ACSBG2: variants seen among roughly 807,000 people sequenced by gnomAD.
ACSBG2 encodes acyl-CoA synthetase bubblegum family member 2.
A neutral mutation model predicts 74.7 loss-of-function variants in ACSBG2; 62 were observed. That is an observed-to-expected ratio of 0.83 (90% CI 0.68 to 1.03). ACSBG2 has a LOEUF of 1.03. Ranked by LOEUF, ACSBG2 falls within the 50% of genes least tolerant of loss-of-function variation. ACSBG2 has a pLI of 0.00. For missense variants in ACSBG2, 730 were observed against 817.6 expected (o/e 0.89, Z 1.31); for synonymous variants, 309 against 294.1 (o/e 1.05, Z -0.52).
chr19:6,187,596 C>T lies in ACSBG2; in HGVS notation c.1681-3C>T, dbSNP rs747024785. 6.2e-7 allele frequency: 1 copy of T among 1,613,870 alleles called. No individual in the cohort carries two copies. Among genetic ancestry groups the T allele is most frequent in the East Asian group, 2.2e-5 (1 of 44,876 alleles). Reference sequence around the variant, plus strand: ...GGGTGGTGACAGAGGTGTCTGGGGGCAGTGTGAGATGAATCAGATGAGCGG... The same window carrying T: ...GGGTGGTGACAGAGGTGTCTGGGGGTAGTGTGAGATGAATCAGATGAGCGG... On this transcript the variant is annotated splice_polypyrimidine_tract_variant and splice_region_variant and intron_variant, in intron 12 of 14. Transcript: ENST00000588485.
At chr19:6,143,211 A>T (rs898338252) in intron 2 of ACSBG2, among the ~76,000 whole-genome samples, 1 of 148,200 alleles carries the variant, frequency 6.7e-6, no homozygotes, top group Non-Finnish European at 1.5e-5. Flanking sequence ...TGCCTGGCTA[A>T]TTTTTTTTTT....
chr19:6,189,719 T>TTTC (rs1568261184), intron 13 of ACSBG2: 9 of 151,698 alleles, frequency 5.9e-5, no homozygotes, highest in African/African-American at 2.2e-4. Context: ...TTCTTTCTTT[T>TTTC]TTTTTTTTGA....
chr19:6,157,770 C>T (rs936657824), intron 5 of ACSBG2, among the ~76,000 whole-genome samples: 4 of 152,080 alleles, frequency 2.6e-5, no homozygotes, highest in Admixed American at 2.6e-4. Flanking sequence ...ATTTTATATA[C>T]ATCCCACTGC....
chr19:6,167,208 A>T (rs1245060434), intron 7 of ACSBG2, among the ~76,000 whole-genome samples: 1 of 152,168 alleles, frequency 6.6e-6, no homozygotes, highest in Non-Finnish European at 1.5e-5. Flanking sequence ...ACCAGCACAC[A>T]CTGGTGTCTG....
Position 6,183,279 on chromosome 19 carries a change from GCC to G in ACSBG2, c.1322+11_1322+12del. ...ATAACTACAGGCTTCTAAGGTACCA[GCC>G]CCCGGGGCAGACCCCTGCTCCTCCC... is the stretch of plus-strand genomic sequence containing the variant. On this transcript the variant is annotated splice_region_variant and intron_variant, in intron 10 of 14. Transcript: ENST00000588485. The G allele has an allele frequency of 6.2e-7, 1 of 1,612,416 alleles. No homozygotes were observed. The highest frequency in any genetic ancestry group is 1.7e-4 in the Middle Eastern group (1 of 6,052).
intron 1 of ACSBG2, among the ~76,000 whole-genome samples, chr19:6,138,865 G>A (rs1379987131): frequency 6.6e-6 from 1 of 152,106 alleles, no homozygotes; most frequent in African/African-American, 2.4e-5. Context: ...AATTAAGGAT[G>A]ACTTTGAGGT....
intron 6 of ACSBG2, among the ~76,000 whole-genome samples, chr19:6,161,977 T>C (rs2089637876): frequency 6.6e-6 from 1 of 152,102 alleles, no homozygotes; most frequent in Admixed American, 6.6e-5. Flanking sequence ...CAACATTAAG[T>C]TTAAATATTT....
At chr19:6,167,823 A>G (rs2089850661) in intron 7 of ACSBG2, among the ~76,000 whole-genome samples, 1 of 152,224 alleles carries the variant, frequency 6.6e-6, no homozygotes, top group African/African-American at 2.4e-5. Flanking sequence ...GTACAAATTA[A>G]AAGTTCAGAC....
At position 6,174,415 on chromosome 19, in the gene ACSBG2, G is replaced by A. The variant is rs1026929405; in HGVS notation, c.739-2814G>A. Among the ~76,000 whole-genome samples, 8 of 152,214 alleles carry A rather than the reference G, an allele frequency of 5.3e-5. No homozygotes were observed. Among genetic ancestry groups the A allele is most frequent in the African/African-American group, 1.9e-4 (8 of 41,456 alleles). ...AACAAATTCCACCTCAGAATGGGAG[G>A]AGTAGCAGAGAATCTGCAGCTCTGT... On this transcript the variant is annotated intron_variant, in intron 7 of 14. Coordinates refer to ENST00000588485, the MANE Select transcript of ACSBG2 (RefSeq NM_030924.5). The surrounding 1 kb of genome is among the most constrained non-coding windows in gnomAD (Gnocchi z 4.2).
chr19:6,145,497 T>C (rs1428217152), intron 2 of ACSBG2, among the ~76,000 whole-genome samples: 1 of 150,936 alleles, frequency 6.6e-6, no homozygotes, highest in Non-Finnish European at 1.5e-5. Flanking sequence ...CACAGCTGCC[T>C]ACTCTACCAT....
Position 6,187,712 on chromosome 19 carries a change from G to A in ACSBG2, c.1794G>A (p.Gln598=), listed in dbSNP as rs775074724. Residue 598 remains glutamine, a synonymous_variant, in exon 13 of 15, where the codon CAG becomes CAA. Coordinates refer to ENST00000588485, the MANE Select transcript of ACSBG2 (RefSeq NM_030924.5). The part of the protein sequence containing the change: ...QASTVTEIVK[Q]QDPLVYKAIQ... ...CCACCGTGACTGAGATTGTGAAGCA[G>A]CAAGACCCCCTGGTCTACAAGGCCA... 5.0e-6 allele frequency: 8 copies of A among 1,614,188 alleles called. No individual in the cohort carries two copies. In the East Asian group the frequency reaches 1.8e-4, roughly 36 times the overall value.
intron 4 of ACSBG2, among the ~76,000 whole-genome samples, chr19:6,153,225 G>A (rs949651929): frequency 2.6e-5 from 4 of 151,784 alleles, no homozygotes; most frequent in East Asian, 1.9e-4. Flanking sequence ...CAGCCTGGGC[G>A]ACAGAGCGAG....
At chr19:6,151,587 A>C (rs1268609436) in intron 3 of ACSBG2, 120 bp from the exon 4 acceptor site, 2 of 913,710 alleles carry the variant, frequency 2.2e-6, no homozygotes, top group Middle Eastern at 4.4e-4. Flanking sequence ...CTAGGATTAC[A>C]GGTGTGAGCC....
At chr19:6,188,798 A>G (rs2860162) in intron 13 of ACSBG2, among the ~76,000 whole-genome samples, 20,717 of 151,938 alleles carry the variant, frequency 0.14, 3,138 homozygotes, top group African/African-American at 0.38. Context: ...TGATTGGTTG[A>G]GGTAAAGGGG....
Position 6,141,516 on chromosome 19 carries a change from T to C in ACSBG2, c.-28T>C. 5 of 1,555,580 alleles carry C rather than the reference T, an allele frequency of 3.2e-6. No individual in the cohort carries two copies. Among genetic ancestry groups the C allele is most frequent in the Non-Finnish European group, 4.4e-6 (5 of 1,126,608 alleles). ...TCCCTGCTTTTTTGCTTTGCAGTGC[T>C]GTGGAGCATGGTTTCTGCACACCTG... On this transcript the variant is annotated 5_prime_UTR_variant, in exon 2 of 15. Transcript: ENST00000588485.
intron 7 of ACSBG2, among the ~76,000 whole-genome samples, chr19:6,170,442 T>C (rs1338398533): frequency 1.3e-5 from 2 of 152,142 alleles, no homozygotes; most frequent in Non-Finnish European, 2.9e-5. Flanking sequence ...ACTTAAAAAG[T>C]ATCTTTATTT....
At chr19:6,184,860 A>AAAAAAAAAAAAAAAAAAAAAAAC (rs2090359282) in intron 10 of ACSBG2, among the ~76,000 whole-genome samples, 1 of 142,270 alleles carries the variant, frequency 7.0e-6, no homozygotes, top group African/African-American at 2.7e-5. Context: ...AAAAAAAAAA[A>AAAAAAAAAAAAAAAAAAAAAAAC]AAAAAAAAAA....
intron 3 of ACSBG2, among the ~76,000 whole-genome samples, chr19:6,150,688 G>T (rs934480136): frequency 1.3e-5 from 2 of 152,176 alleles, no homozygotes; most frequent in African/African-American, 4.8e-5. Context: ...GCCAGGGGCT[G>T]GGGAAGGGGA....
At chr19:6,158,308 C>T (rs950120829) in intron 5 of ACSBG2, among the ~76,000 whole-genome samples, 11 of 152,000 alleles carry the variant, frequency 7.2e-5, no homozygotes, top group South Asian at 2.1e-4. Flanking sequence ...CTGCCCGCCT[C>T]GGTCTCCCAA....
Sources: allele counts gnomAD v4.1 joint callset (sites outside exome capture counted in the v4.1 genomes callset), GRCh38; gene constraint gnomAD v4.1.1; non-coding constraint Gnocchi (gnomAD v3.1); transcripts MANE v1.5; gene names NCBI Gene and HGNC (gene_info 2026-07-23, HGNC 2026-07-21).